Variants in RFXAP observed in about 807,000 individuals in gnomAD.
RFXAP encodes the protein regulatory factor X-associated protein.
RFXAP carries 21 observed loss-of-function variants against 25.7 expected under a neutral mutation model. The ratio of observed to expected loss-of-function variants is 0.82; its 90% CI spans 0.58 to 1.18. RFXAP has a LOEUF of 1.18. Ranked by LOEUF, RFXAP falls within the 50% of genes most tolerant of loss-of-function variation. The probability of loss-of-function intolerance (pLI) is 0.00; values close to 1 mark genes in which losing one functional copy is unlikely to be tolerated. For missense variants in RFXAP, 333 were observed against 363.0 expected, an observed-to-expected ratio of 0.92 and a Z score of 0.67; for synonymous variants, 161 against 152.2, an observed-to-expected ratio of 1.06 and a Z score of -0.43.
chr13:36,823,642 A>G (rs956291047), intron 1 of RFXAP, among the ~76,000 whole-genome samples: 1 of 152,222 alleles, frequency 6.6e-6, no homozygotes, highest in Non-Finnish European at 1.5e-5. Context: ...CTCTATTCCA[A>G]TGAAGAATTT....
At chr13:36,820,732 GT>G (rs2057959240) in intron 1 of RFXAP, among the ~76,000 whole-genome samples, 1 of 152,206 alleles carries the variant, frequency 6.6e-6, no homozygotes, top group Non-Finnish European at 1.5e-5. Flanking sequence ...TGAGTCAAAG[GT>G]AAAACCAGTG....
chr13:36,827,863 A>G lies in RFXAP; in HGVS notation c.*110A>G. ...TAATCTATGCCTGTAGAACATAAACATTTTCCTGTAAATGTATGTGTGCAT... is the reference window on the plus strand; with the variant it reads ...TAATCTATGCCTGTAGAACATAAACGTTTTCCTGTAAATGTATGTGTGCAT... On this transcript the variant is annotated 3_prime_UTR_variant, in exon 3 of 3. Transcript: ENST00000255476. 2 of 835,232 alleles carry G rather than the reference A, an allele frequency of 2.4e-6. No homozygotes were observed. The highest frequency in any genetic ancestry group is 2.7e-5 in the East Asian group (1 of 37,718). The allele number at this position is 835,232 out of a possible 1,614,324, so 51.7% of individuals were successfully genotyped here.
chr13:36,823,715 G>C (rs566703227), intron 1 of RFXAP, among the ~76,000 whole-genome samples: 3 of 152,072 alleles, frequency 2.0e-5, no homozygotes, highest in African/African-American at 4.8e-5. Context: ...CACAAGTCAA[G>C]GTTAAATGAG....
chr13:36,824,216 GTCAATT>G (rs1242051869), intron 1 of RFXAP, among the ~76,000 whole-genome samples: 6 of 152,134 alleles, frequency 3.9e-5, no homozygotes, highest in Non-Finnish European at 8.8e-5. Flanking sequence ...GTACCATCAA[GTCAATT>G]TCAGCATTCC....
intron 1 of RFXAP, among the ~76,000 whole-genome samples, chr13:36,824,181 TG>T (rs2057971261): frequency 6.6e-6 from 1 of 152,140 alleles, no homozygotes; most frequent in South Asian, 2.1e-4. Context: ...ATTTCCATAG[TG>T]GGGTTGTGAG....
chr13:36,824,208 A>C (rs573396049), intron 1 of RFXAP, among the ~76,000 whole-genome samples: 1 of 152,312 alleles, frequency 6.6e-6, no homozygotes, highest in Admixed American at 6.5e-5. Flanking sequence ...AGGGTACTGT[A>C]CCATCAAGTC....
rs1412575839 is a variant in RFXAP, at chr13:36,825,445, A to C, written c.618A>C (p.Ile206=). Residue 206 remains isoleucine (I), a synonymous_variant, in exon 2 of 3, where the codon ATA becomes ATC. Coordinates refer to ENST00000255476, the MANE Select transcript of RFXAP (RefSeq NM_000538.4). ...NVKLEESADN[I]LSIVKQRTGS... ...TATCCCAGGAAAGTGCAGATAACAT[A>C]CTCTCCATTGTTAAACAAAGAACAG... 6.2e-7 allele frequency: 1 copy of C among 1,612,152 alleles called. No homozygotes were observed.
rs906607129 is a variant in RFXAP at position 36,828,868 on chromosome 13, G to A, written c.*1115G>A. The A allele has an allele frequency of 2.6e-5, 4 of 152,162 alleles. No individual in the cohort carries two copies. Among genetic ancestry groups the A allele is most frequent in the African/African-American group, 9.7e-5 (4 of 41,450 alleles). 9.4% of individuals were successfully genotyped at this position (152,162 alleles called of 1,614,324 possible). ...GAATAACAAATTAAATGTCAAGAGA[G>A]TATATCCAATATTAGGATATAAATG... On this transcript the variant is annotated 3_prime_UTR_variant, in exon 3 of 3. Coordinates refer to ENST00000255476, the MANE Select transcript of RFXAP (RefSeq NM_000538.4).
Position 36,827,860 on chromosome 13 carries a change from A to T in RFXAP, c.*107A>T. On this transcript the variant is annotated 3_prime_UTR_variant, in exon 3 of 3. Transcript: ENST00000255476. ...TAATAATCTATGCCTGTAGAACATA[A>T]ACATTTTCCTGTAAATGTATGTGTG... 1 of 850,310 alleles carries T rather than the reference A, an allele frequency of 1.2e-6. No homozygotes were observed. Among genetic ancestry groups the T allele is most frequent in the Non-Finnish European group, 1.9e-6 (1 of 515,652 alleles). 52.7% of individuals were successfully genotyped at this position (850,310 alleles called of 1,614,324 possible).
chr13:36,825,643 C>A, intron 2 of RFXAP, 108 bp downstream of exon 2: 2 of 657,350 alleles, frequency 3.0e-6, no homozygotes, highest in South Asian at 3.7e-5. Flanking sequence ...CACTATACAT[C>A]AAAATAAATT....
chr13:36,823,679 A>G (rs910492919), intron 1 of RFXAP, among the ~76,000 whole-genome samples: 3 of 152,230 alleles, frequency 2.0e-5, no homozygotes, highest in African/African-American at 7.2e-5. Context: ...TAAAGAAATT[A>G]AGGTATCTAA....
intron 2 of RFXAP, among the ~76,000 whole-genome samples, chr13:36,827,137 C>CATAT (rs373043635): frequency 7.9e-5 from 12 of 151,624 alleles, no homozygotes; most frequent in African/African-American, 2.9e-4. Flanking sequence ...TATATATGTA[C>CATAT]ATATATATAT....
chr13:36,826,869 A>ATAAAAACCT (rs1211620229), intron 2 of RFXAP, among the ~76,000 whole-genome samples: 1 of 152,160 alleles, frequency 6.6e-6, no homozygotes, highest in Non-Finnish European at 1.5e-5. Flanking sequence ...GTATTTTATT[A>ATAAAAACCT]TAAAAACCTA....
At chr13:36,820,351 TCCAGTTCTCAGTAC>T (rs368844331) in intron 1 of RFXAP, among the ~76,000 whole-genome samples, 34 of 152,332 alleles carry the variant, frequency 2.2e-4, no homozygotes, top group African/African-American at 6.3e-4. Context: ...ATTCTCAGTA[TCCAGTTCTCAGTAC>T]CCAGTTCTCA....
At chr13:36,824,053 G>C (rs1157541186) in intron 1 of RFXAP, among the ~76,000 whole-genome samples, 1 of 152,128 alleles carries the variant, frequency 6.6e-6, no homozygotes, top group Non-Finnish European at 1.5e-5. Context: ...AGCATTGCAG[G>C]TTTTTGAAAA....
At position 36,825,475 on chromosome 13, in the gene RFXAP, T is replaced by C; in HGVS notation, c.648T>C (p.Ser216=). The change falls in exon 2 of 3, where the codon TCT becomes TCC. Residue 216 remains serine, a synonymous_variant. Transcript: ENST00000255476. Reference sequence around the variant, plus strand: ...CCATTGTTAAACAAAGAACAGGATCTTTTGGGGATCGTCCTGCAAGACCTA... The same window carrying C: ...CCATTGTTAAACAAAGAACAGGATCCTTTGGGGATCGTCCTGCAAGACCTA... ...ILSIVKQRTG[S]FGDRPARPTL... 1.2e-6 allele frequency: 2 copies of C among 1,613,068 alleles called. No homozygotes were observed. The highest frequency in any genetic ancestry group is 2.7e-5 in the African/African-American group (2 of 75,024).
chr13:36,820,620 C>T (rs958295525), intron 1 of RFXAP, among the ~76,000 whole-genome samples: 3 of 152,140 alleles, frequency 2.0e-5, no homozygotes, highest in Admixed American at 2.0e-4. Context: ...GTTGTTAGTA[C>T]CCTGTTCTCA....
intron 1 of RFXAP, 32 bp downstream of exon 1, chr13:36,819,989 A>G (rs1593530253): frequency 2.5e-6 from 4 of 1,609,266 alleles, no homozygotes; most frequent in Non-Finnish European, 3.4e-6. Context: ...TGGGGATGGG[A>G]GGTGGAAGAA....
intron 1 of RFXAP, 102 bp downstream of exon 1, chr13:36,820,059 C>T: frequency 6.6e-7 from 1 of 1,520,148 alleles, no homozygotes; most frequent in Middle Eastern, 1.8e-4. Context: ...TCCAAATGGG[C>T]CGGTTTGCAG....
Sources: gnomAD v4.1 joint callset for allele counts (sites outside exome capture counted in the v4.1 genomes callset) on GRCh38, gnomAD v4.1.1 for gene constraint, MANE v1.5 for transcripts, NCBI Gene and HGNC (gene_info 2026-07-23, HGNC 2026-07-21) for gene names.